Variants in MEI4 observed in about 807,000 individuals in gnomAD.
MEI4 encodes meiotic double-stranded break formation protein 4.
A neutral mutation model predicts 31.4 loss-of-function variants in MEI4; 27 were observed. The observed-to-expected ratio is 0.86, with a 90% CI of 0.63 to 1.19. The LOEUF (loss-of-function observed/expected upper bound fraction) is 1.19. MEI4 is among the 50% of genes most tolerant of loss of function. The pLI is 0.00. For missense variants in MEI4, 329 were observed against 398.9 expected (o/e 0.82, Z 1.49); for synonymous variants, 122 against 145.4 (o/e 0.84, Z 1.16).
intron 3 of MEI4, among the ~76,000 whole-genome samples, chr6:77,803,959 T>A (rs1214084753): frequency 5.3e-5 from 8 of 152,152 alleles, no homozygotes; most frequent in Admixed American, 3.9e-4. Context: ...TTCTCAGATC[T>A]CCAGTTGCGT....
At chr6:77,692,782 G>A (rs929807206) in intron 2 of MEI4, among the ~76,000 whole-genome samples, 2 of 152,006 alleles carry the variant, frequency 1.3e-5, no homozygotes, top group Non-Finnish European at 2.9e-5. Flanking sequence ...AGGACAAAAG[G>A]TTGAGCCCAA....
At chr6:77,886,139 A>C (rs1771612553) in intron 4 of MEI4, among the ~76,000 whole-genome samples, 2 of 151,864 alleles carry the variant, frequency 1.3e-5, no homozygotes, top group African/African-American at 4.8e-5. Context: ...TTGTTCCCTT[A>C]TCTGTTATTT....
intron 4 of MEI4, among the ~76,000 whole-genome samples, chr6:77,909,384 C>T (rs940861425): frequency 7.2e-5 from 11 of 152,012 alleles, no homozygotes; most frequent in African/African-American, 2.4e-4. Context: ...ATATCACCAC[C>T]GATCCCACAG....
At chr6:77,798,000 A>G (rs938132922) in intron 3 of MEI4, among the ~76,000 whole-genome samples, 2 of 152,184 alleles carry the variant, frequency 1.3e-5, no homozygotes, top group Admixed American at 6.6e-5. Context: ...GAATGACTAC[A>G]TTGTTGGGTT....
In MEI4 at chr6:77,799,154, G is replaced by A. The variant is rs1424999221; in HGVS notation, c.769-29777G>A. ...TTTCTCCACATCCTCTCCAGCACCT[G>A]TTGTTTCCTGACTTTTTAATGATTG... is the stretch of plus-strand genomic sequence containing the variant. On this transcript the variant is annotated intron_variant, in intron 3 of 4. Coordinates refer to ENST00000684080, the MANE Select transcript of MEI4 (RefSeq NM_001322247.2). 4.6e-5 allele frequency among the ~76,000 whole-genome samples: 7 copies of A among 152,150 alleles called. No individual in the cohort carries two copies. In the Middle Eastern group the frequency reaches 0.01, roughly 222 times the overall value.
At chr6:77,738,642 G>A (rs914035157) in intron 2 of MEI4, among the ~76,000 whole-genome samples, 1 of 152,060 alleles carries the variant, frequency 6.6e-6, no homozygotes, top group East Asian at 1.9e-4. Flanking sequence ...GGTATTTTTG[G>A]TTCTAGATCC....
At chr6:77,848,432 T>G (rs963673947) in intron 4 of MEI4, among the ~76,000 whole-genome samples, 4 of 152,152 alleles carry the variant, frequency 2.6e-5, no homozygotes, top group African/African-American at 9.7e-5. Context: ...GACAGTTCCC[T>G]GACATTTTGA....
chr6:77,743,800 T>A (rs1337053592), intron 2 of MEI4, among the ~76,000 whole-genome samples: 1 of 152,182 alleles, frequency 6.6e-6, no homozygotes, highest in African/African-American at 2.4e-5. Flanking sequence ...ACAGCAGCAT[T>A]CGTGGTTCAC....
intron 2 of MEI4, among the ~76,000 whole-genome samples, chr6:77,704,870 C>T: frequency 6.6e-6 from 1 of 152,046 alleles, no homozygotes; most frequent in South Asian, 2.1e-4. Flanking sequence ...TGTAGGCCGG[C>T]TTCTGAAAGA....
At chr6:77,748,298 G>A (rs764511495) in intron 2 of MEI4, among the ~76,000 whole-genome samples, 1 of 152,218 alleles carries the variant, frequency 6.6e-6, no homozygotes, top group Admixed American at 6.5e-5. Context: ...GGACATCCAG[G>A]CATTTCCATA....
intron 3 of MEI4, among the ~76,000 whole-genome samples, chr6:77,777,605 C>T (rs944440360): frequency 6.6e-6 from 1 of 152,284 alleles, no homozygotes; most frequent in Admixed American, 6.5e-5. Context: ...TCATCCTACA[C>T]TAAAGCTTAC....
chr6:77,670,961 G>A (rs200236083), intron 1 of MEI4, among the ~76,000 whole-genome samples: 1 of 150,606 alleles, frequency 6.6e-6, no homozygotes, highest in African/African-American at 2.4e-5. Flanking sequence ...TCACATTTAT[G>A]TTTCTGATGT....
intron 4 of MEI4, among the ~76,000 whole-genome samples, chr6:77,861,341 A>G (rs763906878): frequency 1.3e-5 from 2 of 152,332 alleles, no homozygotes; most frequent in Non-Finnish European, 2.9e-5. Flanking sequence ...AAGTTTGTCT[A>G]TAAAATTGTC....
In MEI4 at chr6:77,925,253, T is replaced by C. The variant is rs1209067997; in HGVS notation, c.*1907T>C. 6.6e-6 allele frequency: 1 copy of C among 151,826 alleles called. No homozygotes were observed. Among genetic ancestry groups the C allele is most frequent in the Non-Finnish European group, 1.5e-5 (1 of 67,914 alleles). 9.4% of individuals were successfully genotyped at this position (151,826 alleles called of 1,614,324 possible). A position where few individuals can be genotyped will look rare whatever the true frequency, so the allele number is the denominator to read the frequency against. On this transcript the variant is annotated 3_prime_UTR_variant, in exon 5 of 5. Coordinates refer to ENST00000684080, the MANE Select transcript of MEI4 (RefSeq NM_001322247.2). ...TGAAAATTAGCCTAGGAAATATATT[T>C]ATTATAAAAGAAGATGCAAGATGTT...
chr6:77,744,024 CAG>C (rs2127674043), intron 2 of MEI4, among the ~76,000 whole-genome samples: 2 of 152,228 alleles, frequency 1.3e-5, no homozygotes, highest in South Asian at 4.1e-4. Context: ...GGAGAAAAAA[CAG>C]AGCAGAAAAA....
rs576612530 is a variant in MEI4 at position 77,735,757 on chromosome 6, T to G, written c.233-25373T>G. 3.3e-5 allele frequency among the ~76,000 whole-genome samples: 5 copies of G among 152,140 alleles called. No homozygotes were observed. The South Asian group carries it at 1.0e-3, about 32-fold the overall frequency. Reference sequence around the variant, plus strand: ...TTTCTGCTTTGTTTTTTCCCCATCTTTGTGGTTTTATCTATTTTTGGTCTT... The same window carrying G: ...TTTCTGCTTTGTTTTTTCCCCATCTGTGTGGTTTTATCTATTTTTGGTCTT... On this transcript the variant is annotated intron_variant, in intron 2 of 4. Transcript: ENST00000684080.
At chr6:77,745,437 G>T (rs1443505089) in intron 2 of MEI4, among the ~76,000 whole-genome samples, 1 of 148,974 alleles carries the variant, frequency 6.7e-6, no homozygotes, top group African/African-American at 2.4e-5. Context: ...AAATATATAT[G>T]CACCCAATAC....
chr6:77,884,574 A>G (rs1320495485), intron 4 of MEI4, among the ~76,000 whole-genome samples: 1 of 152,064 alleles, frequency 6.6e-6, no homozygotes, highest in Admixed American at 6.6e-5. Flanking sequence ...TTTCCTTTGG[A>G]TATCCAGTTG....
chr6:77,775,830 CT>C (rs1366601906), intron 3 of MEI4, among the ~76,000 whole-genome samples: 11 of 152,084 alleles, frequency 7.2e-5, no homozygotes, highest in African/African-American at 2.7e-4. Flanking sequence ...TAAAACTGTT[CT>C]CTTTTAACTG....
Sources: gnomAD v4.1 joint callset for allele counts (sites outside exome capture counted in the v4.1 genomes callset) on GRCh38, gnomAD v4.1.1 for gene constraint, MANE v1.5 for transcripts, NCBI Gene and HGNC (gene_info 2026-07-23, HGNC 2026-07-21) for gene names.